Variants in POU5F2 observed in about 807,000 individuals in gnomAD.
POU5F2 encodes POU domain, class 5, transcription factor 2.
For synonymous variants in POU5F2, 191 were observed against 178.7 expected (o/e 1.07, Z -0.55); for missense variants, 401 against 426.6 (o/e 0.94, Z 0.53).
Position 93,740,456 on chromosome 5 carries a change from T to G in POU5F2, c.*121A>C. The G allele has an allele frequency of 1.8e-6, 2 of 1,128,734 alleles. No individual in the cohort carries two copies. Among genetic ancestry groups the G allele is most frequent in the East Asian group, 4.9e-5 (2 of 41,124 alleles). 69.9% of individuals were successfully genotyped at this position (1,128,734 alleles called of 1,614,324 possible). A position where few individuals can be genotyped will look rare whatever the true frequency, so the allele number is the denominator to read the frequency against. On this transcript the variant is annotated 3_prime_UTR_variant, in exon 1 of 1. Coordinates refer to ENST00000606183, the MANE Select transcript of POU5F2 (RefSeq NM_153216.2). Reference sequence around the variant, plus strand: ...CATTCCCTACTATGTATCCTTAACTTCTTTAGACAGTGAATGAGAAATTAA... The same window carrying G: ...CATTCCCTACTATGTATCCTTAACTGCTTTAGACAGTGAATGAGAAATTAA...
rs901796086 is a variant in POU5F2, at chr5:93,736,296, G to A, written c.*4281C>T. 1 of 152,100 alleles carries A rather than the reference G, an allele frequency of 6.6e-6. No individual in the cohort carries two copies. Among genetic ancestry groups the A allele is most frequent in the Admixed American group, 6.6e-5 (1 of 15,262 alleles). The allele number at this position is 152,100 out of a possible 1,614,324, so 9.4% of individuals were successfully genotyped here. On this transcript the variant is annotated 3_prime_UTR_variant, in exon 1 of 1. Coordinates refer to ENST00000606183, the MANE Select transcript of POU5F2 (RefSeq NM_153216.2). The stretch of plus-strand genomic sequence containing the variant: ...CCACCTGAAACAATACAGCTTATAG[G>A]TGTGTTCTGAAAACTAAAGTTGTTA...
rs1216132799 is a variant in POU5F2 at position 93,735,646 on chromosome 5, CTG to C, written c.*4929_*4930del. On this transcript the variant is annotated 3_prime_UTR_variant, in exon 1 of 1. Transcript: ENST00000606183. ...GGAAAAGGAGGAAATGGAGTTGGTG[CTG>C]TGTGACTTTTAATGGGATAATCCAA... 6.6e-6 allele frequency: 1 copy of C among 152,212 alleles called. No individual in the cohort carries two copies. Among genetic ancestry groups the C allele is most frequent in the Non-Finnish European group, 1.5e-5 (1 of 68,062 alleles). 9.4% of individuals were successfully genotyped at this position (152,212 alleles called of 1,614,324 possible). A position where few individuals can be genotyped will look rare whatever the true frequency, so the allele number is the denominator to read the frequency against.
rs972659287 is a variant in POU5F2, at chr5:93,740,760, T to C, written c.804A>G (p.Pro268=). 6.2e-7 allele frequency: 1 copy of C among 1,612,180 alleles called. No homozygotes were observed. The highest frequency in any genetic ancestry group is 8.5e-7 in the Non-Finnish European group (1 of 1,179,020). The part of the protein sequence containing the change: ...FYNRSKMGSR[P]TNDASPREIV... ...TCTCCCGTGGGGAAGCATCATTGGT[T>C]GGTCGACTGCCCATCTTGCTGCGGT... Residue 268 remains proline, a synonymous_variant, in exon 1 of 1, where the codon CCA becomes CCG. Coordinates refer to ENST00000606183, the MANE Select transcript of POU5F2 (RefSeq NM_153216.2).
At position 93,738,048 on chromosome 5, in the gene POU5F2, G is replaced by A; in HGVS notation, c.*2529C>T. On this transcript the variant is annotated 3_prime_UTR_variant, in exon 1 of 1. Transcript: ENST00000606183. ...TAAAAGGACAACCCACAGAATGGGA[G>A]AAAATACTTGCAAACCATCTATCTG... The A allele has an allele frequency of 2.9e-6, 1 of 344,026 alleles. No homozygotes were observed. The highest frequency in any genetic ancestry group is 5.6e-6 in the Non-Finnish European group (1 of 177,230). 21.3% of individuals were successfully genotyped at this position (344,026 alleles called of 1,614,324 possible).
rs1266967448 is a variant in POU5F2, at chr5:93,736,453, C to T, written c.*4124G>A. The stretch of plus-strand genomic sequence containing the variant: ...TCCTGAAAGCTGAGCTACATCTGGG[C>T]TACTTCATGTTGTGGACTATGGAAG... On this transcript the variant is annotated 3_prime_UTR_variant, in exon 1 of 1. Transcript: ENST00000606183. 6.6e-6 allele frequency: 1 copy of T among 152,160 alleles called. No individual in the cohort carries two copies. Among genetic ancestry groups the T allele is most frequent in the African/African-American group, 2.4e-5 (1 of 41,434 alleles). 9.4% of individuals were successfully genotyped at this position (152,160 alleles called of 1,614,324 possible).
At position 93,738,785 on chromosome 5, in the gene POU5F2, G is replaced by A. The variant is rs958534653; in HGVS notation, c.*1792C>T. On this transcript the variant is annotated 3_prime_UTR_variant, in exon 1 of 1. Coordinates refer to ENST00000606183, the MANE Select transcript of POU5F2 (RefSeq NM_153216.2). ...TTCACAGAAAGGTTACCAGGGGTAG[G>A]GGATAGGGGAATGGAGTTATTGCTT... The A allele has an allele frequency of 6.6e-6, 1 of 152,254 alleles. No individual in the cohort carries two copies. The highest frequency in any genetic ancestry group is 1.5e-5 in the Non-Finnish European group (1 of 68,084). 9.4% of individuals were successfully genotyped at this position (152,254 alleles called of 1,614,324 possible). A position where few individuals can be genotyped will look rare whatever the true frequency, so the allele number is the denominator to read the frequency against.
chr5:93,740,327 G>A lies in POU5F2; in HGVS notation c.*250C>T. On this transcript the variant is annotated 3_prime_UTR_variant, in exon 1 of 1. Transcript: ENST00000606183. ...AAAATATCGAAACCATCTATATACTGTAATGTACCTTTAAACCAATGCTAG... is the reference window on the plus strand; with the variant it reads ...AAAATATCGAAACCATCTATATACTATAATGTACCTTTAAACCAATGCTAG... 2.1e-6 allele frequency: 1 copy of A among 481,576 alleles called. No homozygotes were observed. Among genetic ancestry groups the A allele is most frequent in the Non-Finnish European group, 3.7e-6 (1 of 272,600 alleles). The allele number at this position is 481,576 out of a possible 1,614,324, so 29.8% of individuals were successfully genotyped here.
Position 93,737,036 on chromosome 5 carries a change from A to G in POU5F2, c.*3541T>C, listed in dbSNP as rs561210662. 1 of 152,222 alleles carries G rather than the reference A, an allele frequency of 6.6e-6. No homozygotes were observed. The highest frequency in any genetic ancestry group is 1.5e-5 in the Non-Finnish European group (1 of 68,026). The allele number at this position is 152,222 out of a possible 1,614,324, so 9.4% of individuals were successfully genotyped here. A position where few individuals can be genotyped will look rare whatever the true frequency, so the allele number is the denominator to read the frequency against. On this transcript the variant is annotated 3_prime_UTR_variant, in exon 1 of 1. Coordinates refer to ENST00000606183, the MANE Select transcript of POU5F2 (RefSeq NM_153216.2). ...TCTTTATTCACAGATGATATGATTT[A>G]TATGTAGAAAACCCTAAAGAATGCA... is the stretch of plus-strand genomic sequence containing the variant.
At position 93,736,379 on chromosome 5, in the gene POU5F2, T is replaced by C. The variant is rs1006013947; in HGVS notation, c.*4198A>G. 2.6e-5 allele frequency: 4 copies of C among 152,224 alleles called. No homozygotes were observed. The highest frequency in any genetic ancestry group is 9.6e-5 in the African/African-American group (4 of 41,460). 9.4% of individuals were successfully genotyped at this position (152,224 alleles called of 1,614,324 possible). On this transcript the variant is annotated 3_prime_UTR_variant, in exon 1 of 1. Coordinates refer to ENST00000606183, the MANE Select transcript of POU5F2 (RefSeq NM_153216.2). ...GAGTTAGAAGAATGTAAGTGCAGCA[T>C]TAATATTTACTTGACTTTTGTTTTT... is the stretch of plus-strand genomic sequence containing the variant.
At position 93,737,542 on chromosome 5, in the gene POU5F2, ATG is replaced by A. The variant is rs1747476359; in HGVS notation, c.*3033_*3034del. On this transcript the variant is annotated 3_prime_UTR_variant, in exon 1 of 1. Transcript: ENST00000606183. ...ATATATACGTGCCATATATATATAT[ATG>A]GAAGAACAAAATTGGAAGACTCACA... The A allele has an allele frequency of 6.4e-6, 1 of 156,642 alleles. No individual in the cohort carries two copies. Among genetic ancestry groups the A allele is most frequent in the African/African-American group, 2.4e-5 (1 of 41,446 alleles). The allele number at this position is 156,642 out of a possible 1,614,324, so 9.7% of individuals were successfully genotyped here.
rs1037029416 is a variant in POU5F2, at chr5:93,738,096, C to T, written c.*2481G>A. The T allele has an allele frequency of 4.6e-6, 1 of 216,026 alleles. No individual in the cohort carries two copies. The highest frequency in any genetic ancestry group is 2.4e-5 in the African/African-American group (1 of 42,404). The allele number at this position is 216,026 out of a possible 1,614,324, so 13.4% of individuals were successfully genotyped here. ...CTGATAAGGGCTTAATATCCAGACTCTATGAAGAAAAGACAAACAACCCAG... is the reference window on the plus strand; with the variant it reads ...CTGATAAGGGCTTAATATCCAGACTTTATGAAGAAAAGACAAACAACCCAG... On this transcript the variant is annotated 3_prime_UTR_variant, in exon 1 of 1. Transcript: ENST00000606183.
In POU5F2 at chr5:93,740,820, C is replaced by G; in HGVS notation, c.744G>C (p.Gln248His). The change falls in exon 1 of 1, where the codon CAG (glutamine) becomes CAC (histidine). Residue 248 changes from glutamine (Q) to histidine (H), a missense_variant. Coordinates refer to ENST00000606183, the MANE Select transcript of POU5F2 (RefSeq NM_153216.2). ...AAACTCGAACCACATCCTTCTGCAG[C>G]TGGAGGCACCCAGCAATGTGGCTGA... is the stretch of plus-strand genomic sequence containing the variant. ...QQISHIAGCL[Q>H]LQKDVVRVWF... The G allele has an allele frequency of 6.2e-7, 1 of 1,613,748 alleles. No individual in the cohort carries two copies. Among genetic ancestry groups the G allele is most frequent in the Non-Finnish European group, 8.5e-7 (1 of 1,179,736 alleles).
rs1748011438 is a variant in POU5F2, at chr5:93,739,863, C to T, written c.*714G>A. The T allele has an allele frequency of 1.3e-5, 2 of 152,038 alleles. No homozygotes were observed. Among genetic ancestry groups the T allele is most frequent in the Non-Finnish European group, 2.9e-5 (2 of 68,032 alleles). 9.4% of individuals were successfully genotyped at this position (152,038 alleles called of 1,614,324 possible). A position where few individuals can be genotyped will look rare whatever the true frequency, so the allele number is the denominator to read the frequency against. On this transcript the variant is annotated 3_prime_UTR_variant, in exon 1 of 1. Transcript: ENST00000606183. Reference sequence around the variant, plus strand: ...AAGCTCTGAAGTCCAGCTTGCCAACCTCAGTAACAAAGGAGTTTAGAATAC... The same window carrying T: ...AAGCTCTGAAGTCCAGCTTGCCAACTTCAGTAACAAAGGAGTTTAGAATAC...
chr5:93,741,217 GGCGGC>G, the POU5F2 span: 1 of 1,613,744 alleles, frequency 6.2e-7, no homozygotes, highest in Admixed American at 1.7e-5. Context: ...GATGTCCTCT[GGCGGC>G]GGCAACTTCG....
In POU5F2 at chr5:93,740,395, T is replaced by A; in HGVS notation, c.*182A>T. The A allele has an allele frequency of 1.6e-6, 1 of 625,046 alleles. No individual in the cohort carries two copies. Among genetic ancestry groups the A allele is most frequent in the East Asian group, 2.8e-5 (1 of 35,496 alleles). 38.7% of individuals were successfully genotyped at this position (625,046 alleles called of 1,614,324 possible). Reference sequence around the variant, plus strand: ...ACACAAAACTGCAATAAACTTCATCTTCTCTCCCAGGTTTTTCTTGAACAA... The same window carrying A: ...ACACAAAACTGCAATAAACTTCATCATCTCTCCCAGGTTTTTCTTGAACAA... On this transcript the variant is annotated 3_prime_UTR_variant, in exon 1 of 1. Transcript: ENST00000606183.
At position 93,737,434 on chromosome 5, in the gene POU5F2, C is replaced by A. The variant is rs534151698; in HGVS notation, c.*3143G>T. 6.6e-6 allele frequency: 1 copy of A among 151,942 alleles called. No homozygotes were observed. Among genetic ancestry groups the A allele is most frequent in the Non-Finnish European group, 1.5e-5 (1 of 67,992 alleles). 9.4% of individuals were successfully genotyped at this position (151,942 alleles called of 1,614,324 possible). On this transcript the variant is annotated 3_prime_UTR_variant, in exon 1 of 1. Transcript: ENST00000606183. ...TTTGGGCAGAAATGGAAAAACTGAT[C>A]CTAAAATTCCTATGAAATTTCAAGT... is the stretch of plus-strand genomic sequence containing the variant.
In POU5F2 at chr5:93,738,649, T is replaced by C. The variant is rs1010056206; in HGVS notation, c.*1928A>G. 1.3e-5 allele frequency: 2 copies of C among 152,220 alleles called. No homozygotes were observed. Among genetic ancestry groups the C allele is most frequent in the African/African-American group, 4.8e-5 (2 of 41,456 alleles). The allele number at this position is 152,220 out of a possible 1,614,324, so 9.4% of individuals were successfully genotyped here. On this transcript the variant is annotated 3_prime_UTR_variant, in exon 1 of 1. Coordinates refer to ENST00000606183, the MANE Select transcript of POU5F2 (RefSeq NM_153216.2). ...TCATAAAAAAGGAATGAAGTTCTGA[T>C]ACACACTACAACACAGATGAACCTT...
chr5:93,735,769 T>A lies in POU5F2; in HGVS notation c.*4808A>T, dbSNP rs1478020950. ...ATGTGGATCCTCAGTGCTCTACCTT[T>A]AGACACTGACAAGAAGAAAAAGCAT... is the stretch of plus-strand genomic sequence containing the variant. On this transcript the variant is annotated 3_prime_UTR_variant, in exon 1 of 1. Coordinates refer to ENST00000606183, the MANE Select transcript of POU5F2 (RefSeq NM_153216.2). 2 of 152,150 alleles carry A rather than the reference T, an allele frequency of 1.3e-5. No individual in the cohort carries two copies. Among genetic ancestry groups the A allele is most frequent in the African/African-American group, 4.8e-5 (2 of 41,442 alleles). 9.4% of individuals were successfully genotyped at this position (152,150 alleles called of 1,614,324 possible).
In POU5F2 at chr5:93,739,749, C is replaced by T. The variant is rs543825016; in HGVS notation, c.*828G>A. On this transcript the variant is annotated 3_prime_UTR_variant, in exon 1 of 1. Coordinates refer to ENST00000606183, the MANE Select transcript of POU5F2 (RefSeq NM_153216.2). The stretch of plus-strand genomic sequence containing the variant: ...AACTATTACAAATATCCTCTCAAAA[C>T]CATTATAAGAGATCAAGAGAAAGTA... 1 of 152,148 alleles carries T rather than the reference C, an allele frequency of 6.6e-6. No individual in the cohort carries two copies. Among genetic ancestry groups the T allele is most frequent in the African/African-American group, 2.4e-5 (1 of 41,522 alleles). 9.4% of individuals were successfully genotyped at this position (152,148 alleles called of 1,614,324 possible). A position where few individuals can be genotyped will look rare whatever the true frequency, so the allele number is the denominator to read the frequency against.
Sources: gnomAD v4.1 joint callset for allele counts on GRCh38, gnomAD v4.1.1 for gene constraint, MANE v1.5 for transcripts, NCBI Gene and HGNC (gene_info 2026-07-23, HGNC 2026-07-21) for gene names.